NOS1AP: variants seen among roughly 807,000 people sequenced by gnomAD.
NOS1AP encodes carboxyl-terminal PDZ ligand of neuronal nitric oxide synthase protein.
NOS1AP carries 21 observed loss-of-function variants against 56.2 expected under a neutral mutation model. The observed-to-expected ratio is 0.37, with a 90% CI of 0.26 to 0.54. The LOEUF (loss-of-function observed/expected upper bound fraction) is 0.54, where lower values mean the gene tolerates loss of function less well. Among genes scored for constraint, NOS1AP ranks in the 20% least tolerant of loss-of-function variants. The pLI is 0.84. For missense variants in NOS1AP, 522 were observed against 657.8 expected, an observed-to-expected ratio of 0.79 and a Z score of 2.26; for synonymous variants, 270 against 274.6, an observed-to-expected ratio of 0.98 and a Z score of 0.17.
chr1:162,348,807 A>C (rs1657389341), intron 6 of NOS1AP, among the ~76,000 whole-genome samples: 1 of 152,202 alleles, frequency 6.6e-6, no homozygotes, highest in Admixed American at 6.5e-5. Context: ...GGGACATATA[A>C]AGAAAGAGAA....
At chr1:162,338,152 C>T (rs1656999920) in intron 5 of NOS1AP, among the ~76,000 whole-genome samples, 1 of 152,122 alleles carries the variant, frequency 6.6e-6, no homozygotes, top group African/African-American at 2.4e-5. Flanking sequence ...AATTATAAAT[C>T]TGTGAGCTGT....
chr1:162,161,751 TA>T (rs1453027295), intron 2 of NOS1AP, among the ~76,000 whole-genome samples: 1 of 152,132 alleles, frequency 6.6e-6, no homozygotes, highest in East Asian at 1.9e-4. Flanking sequence ...GCTAATTTTT[TA>T]AATTATTTGT....
At chr1:162,173,193 G>A (rs1303864700) in intron 2 of NOS1AP, among the ~76,000 whole-genome samples, 6 of 152,106 alleles carry the variant, frequency 3.9e-5, no homozygotes, top group African/African-American at 1.4e-4. Flanking sequence ...TATTTTTGAC[G>A]GGGTTTCACC....
At chr1:162,164,818 G>A (rs551543005) in intron 2 of NOS1AP, among the ~76,000 whole-genome samples, 1 of 152,140 alleles carries the variant, frequency 6.6e-6, no homozygotes, top group Non-Finnish European at 1.5e-5. Context: ...GGACAAGGAC[G>A]GAAAGCCATG....
At chr1:162,091,093 A>G (rs1164911894) in intron 1 of NOS1AP, among the ~76,000 whole-genome samples, 1 of 152,098 alleles carries the variant, frequency 6.6e-6, no homozygotes, top group East Asian at 1.9e-4. Flanking sequence ...AAAATGTGGT[A>G]GTTCTGTTTC....
chr1:162,168,391 G>C (rs1325795694), intron 2 of NOS1AP, among the ~76,000 whole-genome samples: 1 of 152,192 alleles, frequency 6.6e-6, no homozygotes. Flanking sequence ...TGGACTTCTG[G>C]TTGAGCCAGT....
At chr1:162,265,835 C>G (rs1013307159) in intron 2 of NOS1AP, among the ~76,000 whole-genome samples, 4 of 152,204 alleles carry the variant, frequency 2.6e-5, no homozygotes, top group African/African-American at 9.6e-5. Flanking sequence ...TAAGCTTACA[C>G]AAGATAGAAG....
chr1:162,311,390 A>G (rs1557873410), intron 4 of NOS1AP, among the ~76,000 whole-genome samples: 1 of 152,012 alleles, frequency 6.6e-6, no homozygotes, highest in South Asian at 2.1e-4. Flanking sequence ...ATCCCTCCTT[A>G]TAGGGTGCAA....
chr1:162,305,927 A>G (rs1655810234), intron 4 of NOS1AP, among the ~76,000 whole-genome samples: 1 of 152,200 alleles, frequency 6.6e-6, no homozygotes, highest in African/African-American at 2.4e-5. Flanking sequence ...CTTTACATAT[A>G]TTAATGTTCA....
chr1:162,333,104 C>T lies in NOS1AP; in HGVS notation c.432C>T (p.Asn144=), dbSNP rs764349906. 3.1e-6 allele frequency: 5 copies of T among 1,613,072 alleles called. No individual in the cohort carries two copies. The highest frequency in any genetic ancestry group is 3.3e-5 in the Admixed American group (2 of 59,970). The change falls in exon 5 of 10, where the codon AAC becomes AAT. Residue 144 remains asparagine, a synonymous_variant. Transcript: ENST00000361897. The part of the protein sequence containing the change: ...RDGASNIFRC[N]VFKSKKKSQA... ...GTGCCAGCAATATCTTCAGGTGTAA[C>T]GTCTTTAAATCCAAGAAGAAGGTAA...
intron 1 of NOS1AP, among the ~76,000 whole-genome samples, chr1:162,073,011 A>C (rs16849363): frequency 0.037 from 5,608 of 152,278 alleles, 185 homozygotes; most frequent in East Asian, 0.17. Context: ...TTCCTTTGGA[A>C]GTATGCCACT....
chr1:162,136,119 G>A (rs1000417960), intron 1 of NOS1AP, among the ~76,000 whole-genome samples: 1 of 152,142 alleles, frequency 6.6e-6, no homozygotes, highest in East Asian at 1.9e-4. Context: ...CTTCAGAGGA[G>A]CAGGGTACTG....
At chr1:162,189,628 G>A (rs1651555104) in intron 2 of NOS1AP, among the ~76,000 whole-genome samples, 1 of 152,114 alleles carries the variant, frequency 6.6e-6, no homozygotes, top group African/African-American at 2.4e-5. Context: ...ATGTTCAAAT[G>A]GGAAAGTCTG....
At chr1:162,087,078 C>G (rs1301803165) in intron 1 of NOS1AP, among the ~76,000 whole-genome samples, 1 of 152,108 alleles carries the variant, frequency 6.6e-6, no homozygotes, top group Admixed American at 6.6e-5. Flanking sequence ...TTTGTATTTT[C>G]TGCAGCAGAC....
intron 2 of NOS1AP, among the ~76,000 whole-genome samples, chr1:162,156,624 C>T (rs556900751): frequency 4.6e-5 from 7 of 152,030 alleles, no homozygotes; most frequent in East Asian, 3.9e-4. Flanking sequence ...TCACTTTTGA[C>T]GAAGAGATAG....
In NOS1AP at chr1:162,335,120, G is replaced by T. The variant is rs114366577; in HGVS notation, c.453+1995G>T. On this transcript the variant is annotated intron_variant, in intron 5 of 9. Coordinates refer to ENST00000361897, the MANE Select transcript of NOS1AP (RefSeq NM_014697.3). Reference sequence around the variant, plus strand: ...TATCCGTGAAAAGGAGTAGTCATCTGGTTCCCTATCATGTCAATTTTTTTT... The same window carrying T: ...TATCCGTGAAAAGGAGTAGTCATCTTGTTCCCTATCATGTCAATTTTTTTT... Among the ~76,000 whole-genome samples, 519 of 152,330 alleles carry T rather than the reference G, an allele frequency of 3.4e-3. 2 individuals carry two copies. The highest frequency in any genetic ancestry group is 0.012 in the African/African-American group (485 of 41,570).
intron 1 of NOS1AP, among the ~76,000 whole-genome samples, chr1:162,122,506 C>T (rs1272845923): frequency 7.8e-6 from 1 of 128,396 alleles, no homozygotes; most frequent in African/African-American, 2.6e-5. Flanking sequence ...ATAATGAATC[C>T]CCATTTTTTT....
chr1:162,290,004 A>G (rs1444944418), intron 3 of NOS1AP, among the ~76,000 whole-genome samples: 1 of 152,130 alleles, frequency 6.6e-6, no homozygotes, highest in Non-Finnish European at 1.5e-5. Flanking sequence ...ATCTCATGAC[A>G]CAGTGTGTGC....
At chr1:162,260,877 C>T (rs988034603) in intron 2 of NOS1AP, among the ~76,000 whole-genome samples, 6 of 151,918 alleles carry the variant, frequency 3.9e-5, no homozygotes, top group East Asian at 1.9e-4. Flanking sequence ...AGTTAAAACA[C>T]GAGGTGTGGT....
Sources: gnomAD v4.1 joint callset for allele counts (sites outside exome capture counted in the v4.1 genomes callset) on GRCh38, gnomAD v4.1.1 for gene constraint, MANE v1.5 for transcripts, NCBI Gene and HGNC (gene_info 2026-07-23, HGNC 2026-07-21) for gene names.